Variants in ZNF197 observed in about 807,000 individuals in gnomAD.
ZNF197 encodes VHL-associated KRAB-A domain-containing protein.
In ZNF197, 14 loss-of-function variants were observed where a neutral mutation model predicts 27.4. The ratio of observed to expected loss-of-function variants is 0.51; its 90% CI spans 0.34 to 0.80. ZNF197 has a LOEUF of 0.80. Among genes scored for constraint, ZNF197 ranks in the 30% least tolerant of loss-of-function variants. The pLI is 0.02. For synonymous variants in ZNF197, 415 were observed against 420.0 expected (o/e 0.99, Z 0.15); for missense variants, 1,090 against 1,222.6 (o/e 0.89, Z 1.62).
rs574138033 is a variant in ZNF197, at chr3:44,640,696, C to A, written c.770-1204C>A. 6.6e-6 allele frequency among the ~76,000 whole-genome samples: 1 copy of A among 152,084 alleles called. No homozygotes were observed. The highest frequency in any genetic ancestry group is 1.5e-5 in the Non-Finnish European group (1 of 68,008). ...CCCGGCCTCTCCTTATGTTTGAAAC[C>A]TCACTGTGAATAAGGAAACTGAAGT... On this transcript the variant is annotated intron_variant, in intron 5 of 5. Transcript: ENST00000344387. This position sits in a 1 kb window ranked among gnomAD's most constrained non-coding sequence, Gnocchi z 4.0.
chr3:44,632,896 TTGCAG>T (rs1157614314), intron 5 of ZNF197, among the ~76,000 whole-genome samples: 1 of 152,204 alleles, frequency 6.6e-6, no homozygotes, highest in Non-Finnish European at 1.5e-5. Flanking sequence ...TACAAACTCT[TTGCAG>T]TTATTATCTA....
At chr3:44,639,456 G>C (rs1013435614) in intron 5 of ZNF197, among the ~76,000 whole-genome samples, 13 of 151,200 alleles carry the variant, frequency 8.6e-5, no homozygotes, top group Non-Finnish European at 1.9e-4. Context: ...TGTGCAGGCA[G>C]GGGGTGGGGG....
rs772402696 is a variant in ZNF197 at position 44,631,122 on chromosome 3, A to G, written c.451A>G (p.Thr151Ala). The G allele has an allele frequency of 6.2e-7, 1 of 1,613,974 alleles. No individual in the cohort carries two copies. The highest frequency in any genetic ancestry group is 8.5e-7 in the Non-Finnish European group (1 of 1,180,024). Reference sequence around the variant, plus strand: ...GAAGGTGGTGAGTGCCCCAGGAACAACACTTCCTCCTGTACTTCCTGGCAG... The same window carrying G: ...GAAGGTGGTGAGTGCCCCAGGAACAGCACTTCCTCCTGTACTTCCTGGCAG... ...LQKVVSAPGT[T>A]LPPVLPGSHI... The change falls in exon 3 of 6, where the codon ACA becomes GCA. Residue 151 changes from threonine to alanine, a missense_variant. Physicochemically the swap from Thr to Ala is moderately conservative, Grantham distance 58 (BLOSUM62 0). Coordinates refer to ENST00000344387, the MANE Select transcript of ZNF197 (RefSeq NM_006991.5).
At chr3:44,641,591 C>T (rs572604046) in intron 5 of ZNF197, among the ~76,000 whole-genome samples, 4 of 152,334 alleles carry the variant, frequency 2.6e-5, no homozygotes, top group African/African-American at 9.6e-5. Flanking sequence ...ATGTGAACCA[C>T]CTCCATAAGA....
Position 44,631,196 on chromosome 3 carries a change from A to T in ZNF197, c.525A>T (p.Ala175=), listed in dbSNP as rs752467967. ...CGCATCCTCCTACTGACCTAGTGGC[A>T]TTCAACCTCCAGGATCCTCAGCATG... is the stretch of plus-strand genomic sequence containing the variant. ...ICPHPPTDLV[A]FNLQDPQHDS... Residue 175 remains alanine, a synonymous_variant, in exon 3 of 6, where the codon GCA becomes GCT. Transcript: ENST00000344387. 6.2e-7 allele frequency: 1 copy of T among 1,614,122 alleles called. No homozygotes were observed. The highest frequency in any genetic ancestry group is 1.1e-5 in the South Asian group (1 of 91,078).
At position 44,643,431 on chromosome 3, in the gene ZNF197, T is replaced by C. The variant is rs763590388; in HGVS notation, c.2301T>C (p.Cys767=). The change falls in exon 6 of 6, where the codon TGT becomes TGC. Residue 767 remains cysteine, a synonymous_variant. Coordinates refer to ENST00000344387, the MANE Select transcript of ZNF197 (RefSeq NM_006991.5). The part of the protein sequence containing the change: ...TGEKPFECSE[C]GRAFSSNRNL... ...AAAAACCCTTTGAATGCAGTGAGTG[T>C]GGAAGAGCTTTCAGTTCAAACAGAA... 1 of 1,614,170 alleles carries C rather than the reference T, an allele frequency of 6.2e-7. No individual in the cohort carries two copies. The highest frequency in any genetic ancestry group is 1.7e-5 in the Admixed American group (1 of 60,028).
chr3:44,627,614 C>T (rs1386826884), intron 1 of ZNF197, among the ~76,000 whole-genome samples: 2 of 152,036 alleles, frequency 1.3e-5, no homozygotes, highest in African/African-American at 2.4e-5. Context: ...AGGCAGATCA[C>T]GAGGTCAAGA....
rs1384276146 is a variant in ZNF197 at position 44,640,707 on chromosome 3, T to A, written c.770-1193T>A. On this transcript the variant is annotated intron_variant, in intron 5 of 5. Transcript: ENST00000344387. The surrounding 1 kb of genome is among the most constrained non-coding windows in gnomAD (Gnocchi z 4.0). The stretch of plus-strand genomic sequence containing the variant: ...CTTATGTTTGAAACCTCACTGTGAA[T>A]AAGGAAACTGAAGTACCAGCATTAG... 6.6e-6 allele frequency among the ~76,000 whole-genome samples: 1 copy of A among 152,136 alleles called. No homozygotes were observed. The highest frequency in any genetic ancestry group is 1.5e-5 in the Non-Finnish European group (1 of 68,022).
chr3:44,639,187 G>A (rs1410506121), intron 5 of ZNF197, among the ~76,000 whole-genome samples: 1 of 152,158 alleles, frequency 6.6e-6, no homozygotes, highest in African/African-American at 2.4e-5. Context: ...TGGTCATGGT[G>A]TATAATTCTT....
chr3:44,629,583 A>T, intron 2 of ZNF197, 39 bp downstream of exon 2: 1 of 1,513,874 alleles, frequency 6.6e-7, no homozygotes, highest in Non-Finnish European at 8.8e-7. Flanking sequence ...GTTGGGATGA[A>T]AGGAAGGAAA....
chr3:44,630,747 T>C, intron 2 of ZNF197: 6 of 468,142 alleles, frequency 1.3e-5, no homozygotes, highest in South Asian at 1.0e-4. Context: ...AACTTAAGTC[T>C]GAAGCTAAAA....
chr3:44,631,680 T>C (rs1050831777), intron 3 of ZNF197, among the ~76,000 whole-genome samples: 7 of 150,696 alleles, frequency 4.6e-5, no homozygotes, highest in Non-Finnish European at 1.0e-4. Context: ...GGATTACAGG[T>C]GTGAGCCACT....
intron 1 of ZNF197, among the ~76,000 whole-genome samples, chr3:44,628,755 A>C (rs1040334175): frequency 6.6e-6 from 1 of 152,232 alleles, no homozygotes; most frequent in African/African-American, 2.4e-5. Flanking sequence ...TACTTGTTCC[A>C]GGTTACACAG....
chr3:44,641,817 G>A, intron 5 of ZNF197, 83 bp from the exon 6 acceptor site: 2 of 1,439,380 alleles, frequency 1.4e-6, no homozygotes, highest in Admixed American at 5.8e-5. Context: ...TGCCTTCCTA[G>A]AATGTTTTAA....
intron 1 of ZNF197, 160 bp from the exon 2 acceptor site, chr3:44,628,914 C>T (rs1443163324): frequency 5.0e-6 from 2 of 397,012 alleles, no homozygotes; most frequent in Non-Finnish European, 8.8e-6. Context: ...GAGCCTTAGG[C>T]AGGGGGTTTC....
chr3:44,631,485 C>G (rs1359055215), intron 3 of ZNF197, among the ~76,000 whole-genome samples: 2 of 152,000 alleles, frequency 1.3e-5, no homozygotes, highest in African/African-American at 4.8e-5. Context: ...ACTGCAACCT[C>G]CGCCTCCTGG....
At position 44,629,119 on chromosome 3, in the gene ZNF197, C is replaced by T; in HGVS notation, c.-36C>T. 1 of 1,568,278 alleles carries T rather than the reference C, an allele frequency of 6.4e-7. No individual in the cohort carries two copies. The highest frequency in any genetic ancestry group is 1.2e-5 in the South Asian group (1 of 81,364). On this transcript the variant is annotated 5_prime_UTR_variant, in exon 2 of 6. Coordinates refer to ENST00000344387, the MANE Select transcript of ZNF197 (RefSeq NM_006991.5). ...AGGAAGAAGTCAAGGATTAAGGAGA[C>T]CTGGACTGGAGAGGAGCCTTTTTCA...
In ZNF197 at chr3:44,644,679, A is replaced by C; in HGVS notation, c.*459A>C. The C allele has an allele frequency of 6.1e-6, 6 of 987,168 alleles. No individual in the cohort carries two copies. Among genetic ancestry groups the C allele is most frequent in the Non-Finnish European group, 7.2e-6 (6 of 831,276 alleles). The allele number at this position is 987,168 out of a possible 1,614,324, so 61.2% of individuals were successfully genotyped here. ...CATCCCAACTTTCAAGTCTACAAAA[A>C]CATAATCCAAATCTAATAACATAGT... On this transcript the variant is annotated 3_prime_UTR_variant, in exon 6 of 6. Coordinates refer to ENST00000344387, the MANE Select transcript of ZNF197 (RefSeq NM_006991.5).
chr3:44,634,511 G>A (rs985696243), intron 5 of ZNF197, among the ~76,000 whole-genome samples: 1 of 151,572 alleles, frequency 6.6e-6, no homozygotes, highest in Non-Finnish European at 1.5e-5. Context: ...GTGCAGTGGC[G>A]TGATCTCAGC....
Sources: gnomAD v4.1 joint callset for allele counts (sites outside exome capture counted in the v4.1 genomes callset) on GRCh38, gnomAD v4.1.1 for gene constraint, Gnocchi (gnomAD v3.1) non-coding constraint, MANE v1.5 for transcripts, NCBI Gene and HGNC (gene_info 2026-07-23, HGNC 2026-07-21) for gene names.